The following CYP2C18 variants were observed in gnomAD, a reference collection of about 807,000 sequenced individuals.
CYP2C18 encodes the protein cytochrome P450 family 2 subfamily C member 18.
Under a neutral mutation model 41.3 loss-of-function variants are expected in CYP2C18, and 38 were observed. That is an observed-to-expected ratio of 0.92 (90% CI 0.71 to 1.21). CYP2C18 has a LOEUF of 1.21. Among genes scored for constraint, CYP2C18 ranks in the 50% most tolerant of loss-of-function variants. The probability of loss-of-function intolerance (pLI) is 0.00; values close to 1 mark genes in which losing one functional copy is unlikely to be tolerated. For missense variants in CYP2C18, 635 were observed against 591.4 expected (o/e 1.07, Z -0.77); for synonymous variants, 236 against 210.0 (o/e 1.12, Z -1.07).
chr10:94,733,005 T>A (rs1847860032), intron 7 of CYP2C18, among the ~76,000 whole-genome samples: 1 of 151,566 alleles, frequency 6.6e-6, no homozygotes, highest in Admixed American at 6.6e-5. Context: ...CAAGTGGGGA[T>A]GTACACCAGG....
rs1199289175 is a variant in CYP2C18 at position 94,683,976 on chromosome 10, T to A, written c.157T>A (p.Ser53Thr). ...LQLDVKDMSKSLTNFSKVYGP... is the reference protein window; with the variant it reads ...LQLDVKDMSKTLTNFSKVYGP... Reference sequence around the variant, plus strand: ...GTTAGATGTTAAGGACATGAGCAAATCCTTAACCAATGTAAGTATGCTTTA... The same window carrying A: ...GTTAGATGTTAAGGACATGAGCAAAACCTTAACCAATGTAAGTATGCTTTA... The change falls in exon 1 of 9, where the codon TCC becomes ACC. Residue 53 changes from serine (S) to threonine (T), a missense_variant. Physicochemically the swap from Ser to Thr is moderately conservative, Grantham distance 58. Transcript: ENST00000285979. The A allele has an allele frequency of 1.2e-6, 2 of 1,604,100 alleles. No individual in the cohort carries two copies. The highest frequency in any genetic ancestry group is 1.7e-6 in the Non-Finnish European group (2 of 1,175,148).
chr10:94,695,456 G>A (rs553419027), intron 4 of CYP2C18, among the ~76,000 whole-genome samples: 7 of 152,088 alleles, frequency 4.6e-5, no homozygotes, highest in East Asian at 3.9e-4. Context: ...TCCATGTCCC[G>A]GCCAAGGACA....
At chr10:94,712,741 T>G (rs1222021289) in intron 5 of CYP2C18, among the ~76,000 whole-genome samples, 1 of 152,122 alleles carries the variant, frequency 6.6e-6, no homozygotes, top group African/African-American at 2.4e-5. Context: ...GTAATTCTAT[T>G]TTTAGTTTTT....
At chr10:94,729,561 C>CA (rs1208278354) in intron 7 of CYP2C18, among the ~76,000 whole-genome samples, 14 of 151,718 alleles carry the variant, frequency 9.2e-5, no homozygotes, top group East Asian at 1.9e-4. Flanking sequence ...AAAACAAAAA[C>CA]AAAAAAAACC....
chr10:94,697,175 T>C (rs1362691375), intron 4 of CYP2C18, among the ~76,000 whole-genome samples: 1 of 152,084 alleles, frequency 6.6e-6, no homozygotes, highest in Non-Finnish European at 1.5e-5. Flanking sequence ...AGACACATAA[T>C]TGTCAGATTC....
In CYP2C18 at chr10:94,735,247, TG is replaced by T; in HGVS notation, c.1292-15del. 6.2e-7 allele frequency: 1 copy of T among 1,612,510 alleles called. No individual in the cohort carries two copies. Among genetic ancestry groups the T allele is most frequent in the Non-Finnish European group, 8.5e-7 (1 of 1,178,918 alleles). On this transcript the variant is annotated splice_polypyrimidine_tract_variant and intron_variant, in intron 8 of 8. Coordinates refer to ENST00000285979, the MANE Select transcript of CYP2C18 (RefSeq NM_000772.3). ...TAATGTTCAAGGAACAAATCCCCTA[TG>T]TCTCTTATTTTCAGGAAAACGGATG...
Position 94,705,496 on chromosome 10 carries a change from C to T in CYP2C18, c.643-1288C>T, listed in dbSNP as rs142279110. Reference sequence around the variant, plus strand: ...ATGTAACAAACCTGCACATCCTGCACGTGCACCTTGGAGCTTAAAATAAAA... The same window carrying T: ...ATGTAACAAACCTGCACATCCTGCATGTGCACCTTGGAGCTTAAAATAAAA... On this transcript the variant is annotated intron_variant, in intron 4 of 8. Transcript: ENST00000285979. Among the ~76,000 whole-genome samples, 82 of 152,256 alleles carry T rather than the reference C, an allele frequency of 5.4e-4. No homozygotes were observed. In the East Asian group the frequency reaches 0.013, roughly 24 times the overall value.
In CYP2C18 at chr10:94,735,273, G is replaced by C. The variant is rs780629466; in HGVS notation, c.1302G>C (p.Met434Ile). The C allele has an allele frequency of 3.0e-5, 49 of 1,613,298 alleles. No homozygotes were observed. The highest frequency in any genetic ancestry group is 1.6e-4 in the Middle Eastern group (1 of 6,070). Residue 434 changes from methionine (M) to isoleucine (I), a missense_variant, in exon 9 of 9, where the codon ATG becomes ATC. Met to Ile is a conservative substitution (Grantham distance 10). Coordinates refer to ENST00000285979, the MANE Select transcript of CYP2C18 (RefSeq NM_000772.3). Reference protein sequence around the residue: ...YFMPFSAGKRMCMGEGLARME... With the variant: ...YFMPFSAGKRICMGEGLARME... The stretch of plus-strand genomic sequence containing the variant: ...GTCTCTTATTTTCAGGAAAACGGAT[G>C]TGTATGGGAGAGGGCCTGGCCCGCA...
intron 7 of CYP2C18, among the ~76,000 whole-genome samples, chr10:94,727,204 T>C (rs1847755895): frequency 6.6e-6 from 1 of 152,190 alleles, no homozygotes; most frequent in Non-Finnish European, 1.5e-5. Flanking sequence ...ATTAAAAGCC[T>C]GAGTAGTTAA....
chr10:94,695,429 G>A (rs1374369523), intron 4 of CYP2C18, among the ~76,000 whole-genome samples: 1 of 152,144 alleles, frequency 6.6e-6, no homozygotes, highest in Non-Finnish European at 1.5e-5. Flanking sequence ...TGCTGAGAAT[G>A]ATGGTTTCCA....
intron 5 of CYP2C18, among the ~76,000 whole-genome samples, chr10:94,716,656 T>C (rs1005571087): frequency 1.3e-5 from 2 of 152,232 alleles, no homozygotes; most frequent in African/African-American, 2.4e-5. Context: ...ATGTAAATTC[T>C]GTTGATTTGG....
At chr10:94,715,969 G>T (rs187010024) in intron 5 of CYP2C18, among the ~76,000 whole-genome samples, 4 of 152,094 alleles carry the variant, frequency 2.6e-5, no homozygotes, top group Admixed American at 6.5e-5. Flanking sequence ...ATTTATTTGC[G>T]TAGAGGTGTT....
chr10:94,699,999 C>T (rs932258162), intron 4 of CYP2C18, among the ~76,000 whole-genome samples: 15 of 152,160 alleles, frequency 9.9e-5, no homozygotes, highest in Admixed American at 2.6e-4. Context: ...AATGGAGGAA[C>T]ATTTCTTGCT....
chr10:94,685,617 A>C (rs1846872773), intron 1 of CYP2C18, among the ~76,000 whole-genome samples: 1 of 152,152 alleles, frequency 6.6e-6, no homozygotes, highest in Admixed American at 6.6e-5. Context: ...TTGCATATGA[A>C]TATCCAGTTT....
chr10:94,723,957 A>AATTTAAT (rs1847689173), intron 6 of CYP2C18, among the ~76,000 whole-genome samples: 1 of 152,122 alleles, frequency 6.6e-6, no homozygotes, highest in Non-Finnish European at 1.5e-5. Context: ...ATACATATAG[A>AATTTAAT]TCTGTTAGTA....
chr10:94,688,044 C>T (rs945957844), intron 2 of CYP2C18, 81 bp from the exon 3 acceptor site: 2 of 1,602,902 alleles, frequency 1.2e-6, no homozygotes, highest in African/African-American at 2.7e-5. Flanking sequence ...AGAACTTGAC[C>T]TGTCCACGTG....
chr10:94,687,950 GTGTGTATGTGTACA>G lies in CYP2C18; in HGVS notation c.331+28_331+41del. On this transcript the variant is annotated intron_variant, in intron 2 of 8. Transcript: ENST00000285979. ...AGGACTTGGTAAATGTGCATGTATC[GTGTGTATGTGTACA>G]TGTGTATGTACTGGGCAGTGGCTAT... The G allele has an allele frequency of 6.2e-7, 1 of 1,611,788 alleles. No individual in the cohort carries two copies. Among genetic ancestry groups the G allele is most frequent in the Non-Finnish European group, 8.5e-7 (1 of 1,178,586 alleles).
intron 4 of CYP2C18, among the ~76,000 whole-genome samples, chr10:94,702,530 A>G (rs940397412): frequency 4.0e-5 from 6 of 151,350 alleles, no homozygotes; most frequent in Admixed American, 6.6e-5. Context: ...CAATTTGGCT[A>G]TTGATAGTTG....
At chr10:94,694,676 A>C (rs1185944714) in intron 3 of CYP2C18, among the ~76,000 whole-genome samples, 1 of 152,170 alleles carries the variant, frequency 6.6e-6, no homozygotes, top group Non-Finnish European at 1.5e-5. Flanking sequence ...GTGTAAAGAA[A>C]GGCAGTGCGG....
Sources: gnomAD v4.1 joint callset for allele counts (sites outside exome capture counted in the v4.1 genomes callset) on GRCh38, gnomAD v4.1.1 for gene constraint, MANE v1.5 for transcripts, NCBI Gene and HGNC (gene_info 2026-07-23, HGNC 2026-07-21) for gene names.